Variants in GBF1 observed in about 807,000 individuals in gnomAD.
GBF1 encodes the protein golgi brefeldin A resistant guanine nucleotide exchange factor 1, also known as Golgi-specific brefeldin A-resistance guanine nucleotide exchange factor 1.
A neutral mutation model predicts 210.5 loss-of-function variants in GBF1; 114 were observed. That is an observed-to-expected ratio of 0.54 (90% confidence interval 0.47 to 0.63). The LOEUF is 0.63. Among genes scored for constraint, GBF1 ranks in the 30% least tolerant of loss-of-function variants. The pLI is 0.00. For synonymous variants in GBF1, 850 were observed against 889.2 expected (o/e 0.96, Z 0.78); for missense variants, 1,851 against 2,357.7 (o/e 0.79, Z 4.45).
the GBF1 span, among the ~76,000 whole-genome samples, chr10:102,233,603 CTGTTT>C: frequency 6.6e-6 from 1 of 152,144 alleles, no homozygotes; most frequent in African/African-American, 2.4e-5. Context: ...CATGCCCAGC[CTGTTT>C]TGTTTATTAT....
At chr10:102,296,382 G>A (rs1454668552) in intron 3 of GBF1, among the ~76,000 whole-genome samples, 1 of 152,164 alleles carries the variant, frequency 6.6e-6, no homozygotes, top group Non-Finnish European at 1.5e-5. Context: ...AGATGATAGG[G>A]ATAAGAGATT....
intron 20 of GBF1, 123 bp downstream of exon 20, chr10:102,367,333 G>A: frequency 8.1e-6 from 10 of 1,231,386 alleles, no homozygotes; most frequent in Non-Finnish European, 9.5e-6. Flanking sequence ...AGGAAGGGCT[G>A]GCCAACCTAG....
At chr10:102,369,584 T>A in intron 24 of GBF1, 127 bp from the exon 25 acceptor site, 1 of 943,504 alleles carries the variant, frequency 1.1e-6, no homozygotes, top group Non-Finnish European at 1.7e-6. Flanking sequence ...CCATTGCCAG[T>A]CACCAATTGG....
intron 14 of GBF1, 31 bp downstream of exon 14, chr10:102,361,943 A>G (rs1325045161): frequency 7.2e-7 from 1 of 1,396,376 alleles, no homozygotes; most frequent in African/African-American, 1.5e-5. Context: ...CTTCTAGGAA[A>G]AAACGCATTA....
At chr10:102,372,285 G>C (rs1233362200) in intron 29 of GBF1, among the ~76,000 whole-genome samples, 1 of 151,720 alleles carries the variant, frequency 6.6e-6, no homozygotes, top group Non-Finnish European at 1.5e-5. Flanking sequence ...GTGAGGCCAA[G>C]GCAGGCAATC....
At chr10:102,257,830 A>G (rs1314017519) in intron 1 of GBF1, among the ~76,000 whole-genome samples, 3 of 152,028 alleles carry the variant, frequency 2.0e-5, no homozygotes, top group African/African-American at 7.2e-5. Flanking sequence ...CCTGGGCTCA[A>G]GCAATCCTCC....
At position 102,382,798 on chromosome 10, in the gene GBF1, T is replaced by C. The variant is rs2060927660; in HGVS notation, c.*462T>C. 1 of 163,004 alleles carries C rather than the reference T, an allele frequency of 6.1e-6. No individual in the cohort carries two copies. Among genetic ancestry groups the C allele is most frequent in the Non-Finnish European group, 1.3e-5 (1 of 75,154 alleles). 10.1% of individuals were successfully genotyped at this position (163,004 alleles called of 1,614,324 possible). A position where few individuals can be genotyped will look rare whatever the true frequency, so the allele number is the denominator to read the frequency against. ...ACTGGCACCATGGAGGGTAGGCAGG[T>C]GGGGGCTGGGTGGGGGACTGCCCAC... On this transcript the variant is annotated 3_prime_UTR_variant, in exon 40 of 40. Transcript: ENST00000369983.
At chr10:102,230,723 C>T in the GBF1 span, 1 of 1,521,124 alleles carries the variant, frequency 6.6e-7, no homozygotes, top group East Asian at 2.6e-5. Flanking sequence ...CAGGACACGG[C>T]CCCGGAGGAC....
At chr10:102,345,938 AT>A (rs571918533) in intron 4 of GBF1, among the ~76,000 whole-genome samples, 107 of 151,734 alleles carry the variant, frequency 7.1e-4, no homozygotes, top group Non-Finnish European at 1.0e-3. Flanking sequence ...CCCTTGTATG[AT>A]TTTTTTTACT....
intron 1 of GBF1, among the ~76,000 whole-genome samples, chr10:102,248,335 TATA>T (rs1320859282): frequency 1.3e-5 from 2 of 151,996 alleles, no homozygotes; most frequent in African/African-American, 4.8e-5. Context: ...TAAATGAAAA[TATA>T]ATAAAGCAGT....
chr10:102,251,673 C>A (rs1056696589), intron 1 of GBF1, among the ~76,000 whole-genome samples: 1 of 152,144 alleles, frequency 6.6e-6, no homozygotes, highest in African/African-American at 2.4e-5. Flanking sequence ...CCTGCCTTAG[C>A]CTCCCAAGTA....
At chr10:102,281,650 T>G (rs1001298102) in intron 3 of GBF1, among the ~76,000 whole-genome samples, 1 of 150,342 alleles carries the variant, frequency 6.7e-6, no homozygotes, top group Non-Finnish European at 1.5e-5. Flanking sequence ...TATAGAAGAG[T>G]TGTAAAGAAG....
intron 3 of GBF1, among the ~76,000 whole-genome samples, chr10:102,284,998 C>T (rs2075820809): frequency 6.6e-6 from 1 of 152,144 alleles, no homozygotes; most frequent in South Asian, 2.1e-4. Context: ...GATAAAGCTC[C>T]TTTCAGGTCT....
chr10:102,275,812 T>C (rs1016453797), intron 3 of GBF1, among the ~76,000 whole-genome samples: 20 of 152,228 alleles, frequency 1.3e-4, no homozygotes, highest in Admixed American at 1.2e-3. Context: ...TCAGTCCACC[T>C]GGACAGAAGC....
At chr10:102,381,293 G>A (rs766240956) in intron 39 of GBF1, 38 bp downstream of exon 39, 1 of 1,606,124 alleles carries the variant, frequency 6.2e-7, no homozygotes, top group Admixed American at 1.7e-5. Context: ...GCACTGAGTA[G>A]CAAGCAGGGG....
At chr10:102,342,265 C>T (rs1198795276) in intron 3 of GBF1, among the ~76,000 whole-genome samples, 2 of 152,018 alleles carry the variant, frequency 1.3e-5, no homozygotes, top group Non-Finnish European at 2.9e-5. Flanking sequence ...TCTCGATCTC[C>T]TGACCTCGTG....
chr10:102,304,044 G>A (rs1241163682), intron 3 of GBF1, among the ~76,000 whole-genome samples: 2 of 151,644 alleles, frequency 1.3e-5, no homozygotes, highest in African/African-American at 4.8e-5. Context: ...TGAATTATAT[G>A]TGAAGTCTCC....
At chr10:102,322,035 T>A (rs917086280) in intron 3 of GBF1, among the ~76,000 whole-genome samples, 4 of 152,172 alleles carry the variant, frequency 2.6e-5, no homozygotes, top group African/African-American at 9.7e-5. Flanking sequence ...ATTTTTTGTA[T>A]TTTTTGTAGA....
chr10:102,376,040 T>C (rs1186837614), intron 30 of GBF1, among the ~76,000 whole-genome samples: 2 of 151,484 alleles, frequency 1.3e-5, no homozygotes, highest in Non-Finnish European at 2.9e-5. Flanking sequence ...CTCCCTAGAG[T>C]GGTGCTACAG....
Sources: gnomAD v4.1 joint callset for allele counts (sites outside exome capture counted in the v4.1 genomes callset) on GRCh38, gnomAD v4.1.1 for gene constraint, MANE v1.5 for transcripts, NCBI Gene and HGNC (gene_info 2026-07-23, HGNC 2026-07-21) for gene names.